The following RANGAP1 variants were observed in gnomAD, a reference collection of about 807,000 sequenced individuals.
RANGAP1 encodes Ran GTPase activating protein 1, also known as ran GTPase-activating protein 1.
RANGAP1 carries 38 observed loss-of-function variants against 63.5 expected under a neutral mutation model. The observed-to-expected ratio is 0.60, with a 90% confidence interval of 0.46 to 0.78. The LOEUF (loss-of-function observed/expected upper bound fraction) is 0.78, where lower values mean the gene tolerates loss of function less well. Among genes scored for constraint, RANGAP1 ranks in the 30% least tolerant of loss-of-function variants. The pLI is 0.00. For missense variants in RANGAP1, 630 were observed against 740.3 expected (o/e 0.85, Z 1.73); for synonymous variants, 329 against 310.5 (o/e 1.06, Z -0.63).
At chr22:41,261,660 C>A (rs2034176582) in intron 5 of RANGAP1, 80 bp from the exon 6 acceptor site, 5 of 1,568,180 alleles carry the variant, frequency 3.2e-6, no homozygotes, top group Non-Finnish European at 4.4e-6. Context: ...CTGAACTGCT[C>A]TTCAACATCC....
chr22:41,284,779 G>A (rs781389565), intron 1 of RANGAP1: 4 of 152,252 alleles, frequency 2.6e-5, no homozygotes, highest in African/African-American at 9.6e-5. Flanking sequence ...TGTAAGGTGG[G>A]AGGATCACTT....
In RANGAP1 at chr22:41,249,743, T is replaced by C; in HGVS notation, c.1558A>G (p.Met520Val). The change falls in exon 14 of 16, where the codon ATG becomes GTG. Residue 520 changes from methionine to valine, a missense_variant. Physicochemically the swap from Met to Val is conservative, Grantham distance 21. Coordinates refer to ENST00000356244, the MANE Select transcript of RANGAP1 (RefSeq NM_002883.4). ...NTFLTRLLVH[M>V]GLLKSEDKVK... The stretch of plus-strand genomic sequence containing the variant: ...TCCGGCCTCACCTTGAGCAGACCCA[T>C]GTGCACGAGCAGCCTGGTGAGGAAG... 1 of 1,613,550 alleles carries C rather than the reference T, an allele frequency of 6.2e-7. No individual in the cohort carries two copies. Among genetic ancestry groups the C allele is most frequent in the African/African-American group, 1.3e-5 (1 of 75,026 alleles).
At position 41,271,467 on chromosome 22, in the gene RANGAP1, C is replaced by T. The variant is rs568294203; in HGVS notation, c.240+3133G>A. 4.0e-5 allele frequency among the ~76,000 whole-genome samples: 6 copies of T among 150,732 alleles called. No homozygotes were observed. In the South Asian group the frequency reaches 6.3e-4, roughly 16 times the overall value. Reference sequence around the variant, plus strand: ...ATCCCAGCACTTTGGGAGGCCGAGGCGGGCGGATCACAAGGTCAGGAGATT... The same window carrying T: ...ATCCCAGCACTTTGGGAGGCCGAGGTGGGCGGATCACAAGGTCAGGAGATT... On this transcript the variant is annotated intron_variant, in intron 3 of 15. Coordinates refer to ENST00000356244, the MANE Select transcript of RANGAP1 (RefSeq NM_002883.4).
the RANGAP1 span, among the ~76,000 whole-genome samples, chr22:41,298,484 T>G: frequency 6.6e-6 from 1 of 152,096 alleles, no homozygotes; most frequent in Non-Finnish European, 1.5e-5. Context: ...CTGGCTCATT[T>G]TTGTATTTTT....
At chr22:41,297,387 T>G in the RANGAP1 span, among the ~76,000 whole-genome samples, 433 of 152,238 alleles carry the variant, frequency 2.8e-3, 2 homozygotes, top group African/African-American at 9.9e-3. Flanking sequence ...ATTTAAATAT[T>G]AAACTCATCT....
chr22:41,274,953 G>C (rs1466980629), intron 2 of RANGAP1, among the ~76,000 whole-genome samples: 2 of 152,028 alleles, frequency 1.3e-5, no homozygotes, highest in Non-Finnish European at 2.9e-5. Context: ...AGGCTTGGGA[G>C]CCGAGGGAAA....
the RANGAP1 span, among the ~76,000 whole-genome samples, chr22:41,292,362 C>T: frequency 6.6e-6 from 1 of 151,390 alleles, no homozygotes; most frequent in Non-Finnish European, 1.5e-5. Flanking sequence ...GTTGGCCAGG[C>T]TGATCTCAAA....
intron 4 of RANGAP1, among the ~76,000 whole-genome samples, chr22:41,265,260 G>T (rs2034400229): frequency 6.6e-6 from 1 of 152,232 alleles, no homozygotes; most frequent in Non-Finnish European, 1.5e-5. Flanking sequence ...GAAGTGAGGG[G>T]TCAGATCAGG....
At chr22:41,258,227 T>C in intron 6 of RANGAP1, 121 bp from the exon 7 acceptor site, 33 of 1,143,484 alleles carry the variant, frequency 2.9e-5, no homozygotes, top group Non-Finnish European at 3.7e-5. Flanking sequence ...GGCAGGGGCC[T>C]GTCTGTGGGA....
At position 41,256,766 on chromosome 22, in the gene RANGAP1, G is replaced by A; in HGVS notation, c.833C>T (p.Ser278Phe). ...ATCTGCAATGGCAACTGCACCCTTGGAGCGCACCAGGCAGTCCCCAAAATT... is the reference window on the plus strand; with the variant it reads ...ATCTGCAATGGCAACTGCACCCTTGAAGCGCACCAGGCAGTCCCCAAAATT... ...VINFGDCLVR[S>F]KGAVAIADAI... Residue 278 changes from serine to phenylalanine, a missense_variant, in exon 8 of 16, where the codon TCC becomes TTC. Coordinates refer to ENST00000356244, the MANE Select transcript of RANGAP1 (RefSeq NM_002883.4). 2 of 1,614,090 alleles carry A rather than the reference G, an allele frequency of 1.2e-6. No individual in the cohort carries two copies. The highest frequency in any genetic ancestry group is 1.7e-6 in the Non-Finnish European group (2 of 1,180,030).
intron 3 of RANGAP1, among the ~76,000 whole-genome samples, chr22:41,274,399 C>T (rs543535726): frequency 4.6e-5 from 7 of 152,252 alleles, no homozygotes; most frequent in Admixed American, 6.5e-5. Context: ...CACCCCAACA[C>T]CCTCTCAAGG....
intron 15 of RANGAP1, 67 bp from the exon 16 acceptor site, chr22:41,246,739 A>G (rs1389420847): frequency 3.0e-5 from 41 of 1,389,628 alleles, no homozygotes; most frequent in African/African-American, 4.3e-5. Context: ...TGTGGGGGCC[A>G]TTTTGGTGCC....
At chr22:41,264,615 G>C in intron 5 of RANGAP1, 49 bp downstream of exon 5, 1 of 1,569,638 alleles carries the variant, frequency 6.4e-7, no homozygotes, top group African/African-American at 1.3e-5. Flanking sequence ...ATGTCAGACG[G>C]ATGTGGATGG....
intron 2 of RANGAP1, among the ~76,000 whole-genome samples, chr22:41,275,666 C>T (rs1283648955): frequency 6.6e-6 from 1 of 152,058 alleles, no homozygotes; most frequent in African/African-American, 2.4e-5. Context: ...GTAATCCCAG[C>T]TACTCAGGAA....
At chr22:41,295,074 T>TG in the RANGAP1 span, among the ~76,000 whole-genome samples, 97 of 134,296 alleles carry the variant, frequency 7.2e-4, no homozygotes, top group African/African-American at 2.1e-3. Context: ...GGGAGGGAGG[T>TG]GGGGGGGTCA....
rs780504951 is a variant in RANGAP1, at chr22:41,280,779, G to A, written c.112+154C>T. On this transcript the variant is annotated intron_variant, in intron 2 of 15. Coordinates refer to ENST00000356244, the MANE Select transcript of RANGAP1 (RefSeq NM_002883.4). ...TTGCTCCTGGGCAAATGATCTCTGA[G>A]CCTCATTGTTAGAATAGGCCCAATG... 1.2e-5 allele frequency: 19 copies of A among 1,528,102 alleles called. No individual in the cohort carries two copies. The African/African-American group carries it at 2.2e-4, about 18-fold the overall frequency. 94.7% of individuals were successfully genotyped at this position (1,528,102 alleles called of 1,614,324 possible). A position where few individuals can be genotyped will look rare whatever the true frequency, so the allele number is the denominator to read the frequency against.
intron 15 of RANGAP1, among the ~76,000 whole-genome samples, chr22:41,248,146 C>T (rs999717112): frequency 7.8e-6 from 1 of 127,908 alleles, no homozygotes; most frequent in African/African-American, 3.0e-5. Flanking sequence ...AGCAACAGCA[C>T]TGCTATGGAA....
the RANGAP1 span, among the ~76,000 whole-genome samples, chr22:41,295,175 GCCACCACCC>G: frequency 6.7e-6 from 1 of 149,232 alleles, no homozygotes; most frequent in Non-Finnish European, 1.5e-5. Flanking sequence ...CCTCTGCCCG[GCCACCACCC>G]CGTCTGGGAG....
chr22:41,300,428 TCACACACACACACA>T, the RANGAP1 span, among the ~76,000 whole-genome samples: 123 of 36,258 alleles, frequency 3.4e-3, 7 homozygotes, highest in East Asian at 9.6e-3. Context: ...TATTGGGAAC[TCACACACACACACA>T]CACACACACA....
Sources: gnomAD v4.1 joint callset for allele counts (sites outside exome capture counted in the v4.1 genomes callset) on GRCh38, gnomAD v4.1.1 for gene constraint, MANE v1.5 for transcripts, NCBI Gene and HGNC (gene_info 2026-07-23, HGNC 2026-07-21) for gene names.